CCDC171: variants seen among roughly 807,000 people sequenced by gnomAD.
CCDC171 encodes coiled-coil domain-containing protein 171.
CCDC171 carries 177 observed loss-of-function variants against 168.2 expected under a neutral mutation model. The observed-to-expected ratio is 1.05, with a 90% CI of 0.93 to 1.19. The LOEUF (loss-of-function observed/expected upper bound fraction) is 1.19, where lower values mean the gene tolerates loss of function less well. Among genes scored for constraint, CCDC171 ranks in the 50% most tolerant of loss-of-function variants. The pLI, the probability that CCDC171 is intolerant of heterozygous loss-of-function variation, is 0.00. For synonymous variants in CCDC171, 687 were observed against 540.8 expected, an observed-to-expected ratio of 1.27 and a Z score of -3.75; for missense variants, 1,991 against 1,539.0, an observed-to-expected ratio of 1.29 and a Z score of -4.91.
At chr9:15,904,116 A>G (rs1404959961) in intron 24 of CCDC171, among the ~76,000 whole-genome samples, 2 of 152,238 alleles carry the variant, frequency 1.3e-5, no homozygotes, top group Admixed American at 6.5e-5. Flanking sequence ...GATATTATAC[A>G]GGAGAACCTC....
intron 24 of CCDC171, chr9:15,889,151 G>A (rs185953763): frequency 6.6e-6 from 1 of 151,746 alleles, no homozygotes; most frequent in African/African-American, 2.4e-5. Context: ...TATGGAGACA[G>A]AGTTTTACTG....
At chr9:16,066,318 G>C (rs1833989810), downstream of CCDC171, among the ~76,000 whole-genome samples, 1 of 152,136 alleles carries the variant, frequency 6.6e-6, no homozygotes, top group Admixed American at 6.5e-5. Flanking sequence ...TCTTTCAAAA[G>C]AGCATTTAAA....
intron 7 of CCDC171, among the ~76,000 whole-genome samples, chr9:15,634,249 A>G (rs2046013613): frequency 6.6e-6 from 1 of 151,806 alleles, no homozygotes; most frequent in Non-Finnish European, 1.5e-5. Flanking sequence ...TAACTTTTAA[A>G]AAAATTAAAG....
chr9:16,063,283 G>A (rs543801638), downstream of CCDC171, among the ~76,000 whole-genome samples: 20 of 152,270 alleles, frequency 1.3e-4, no homozygotes, highest in Non-Finnish European at 2.2e-4. Context: ...TAAAATGCTC[G>A]AAAGAGAGGA....
At chr9:15,613,187 G>T (rs1184914186) in intron 6 of CCDC171, among the ~76,000 whole-genome samples, 2 of 152,160 alleles carry the variant, frequency 1.3e-5, no homozygotes, top group Non-Finnish European at 2.9e-5. Flanking sequence ...GAGAGTTCCA[G>T]TTTCTCTACG....
chr9:15,686,128 A>T (rs187337673), intron 10 of CCDC171, among the ~76,000 whole-genome samples: 1 of 152,282 alleles, frequency 6.6e-6, no homozygotes, highest in African/African-American at 2.4e-5. Context: ...AATTTAATTG[A>T]ACCTTGATAT....
chr9:16,036,657 A>T (rs1451464171), intron 8 of CCDC171, among the ~76,000 whole-genome samples: 1 of 152,182 alleles, frequency 6.6e-6, no homozygotes, highest in Non-Finnish European at 1.5e-5. Flanking sequence ...ACAAACAAAC[A>T]AGCAAAAAAC....
the CCDC171 span, among the ~76,000 whole-genome samples, chr9:16,097,627 C>T: frequency 6.6e-6 from 1 of 152,172 alleles, no homozygotes; most frequent in African/African-American, 2.4e-5. Context: ...GAATCTTTAC[C>T]TAGCATGATC....
intron 21 of CCDC171, among the ~76,000 whole-genome samples, chr9:15,812,120 T>A (rs1370694143): frequency 6.6e-6 from 1 of 152,094 alleles, no homozygotes; most frequent in Non-Finnish European, 1.5e-5. Flanking sequence ...AATTAGTCAG[T>A]TTGTGACCAA....
chr9:16,095,557 G>A, the CCDC171 span, among the ~76,000 whole-genome samples: 13,369 of 150,748 alleles, frequency 0.089, 1,244 homozygotes, highest in African/African-American at 0.24. Context: ...TCTCTCTCTC[G>A]CGCACACACA....
At chr9:15,989,496 C>T (rs146475538) in intron 3 of CCDC171, among the ~76,000 whole-genome samples, 11,646 of 151,962 alleles carry the variant, frequency 0.077, 1,464 homozygotes, top group African/African-American at 0.27. Context: ...GCAGAAAAGC[C>T]GAAAATTCTA....
At chr9:16,026,819 A>G (rs1030575286) in intron 6 of CCDC171, among the ~76,000 whole-genome samples, 2 of 151,966 alleles carry the variant, frequency 1.3e-5, no homozygotes, top group Non-Finnish European at 2.9e-5. Context: ...AAAAATGTTT[A>G]TCATCTATAT....
At chr9:15,595,244 C>T (rs2042258134) in intron 6 of CCDC171, among the ~76,000 whole-genome samples, 1 of 152,028 alleles carries the variant, frequency 6.6e-6, no homozygotes, top group South Asian at 2.1e-4. Flanking sequence ...GTGTGCTGCA[C>T]CCATTAACTT....
intron 3 of CCDC171, among the ~76,000 whole-genome samples, chr9:16,013,687 A>C (rs954368404): frequency 6.6e-6 from 1 of 152,246 alleles, no homozygotes; most frequent in African/African-American, 2.4e-5. Flanking sequence ...GGGCCACCAG[A>C]CTAAAGTGAA....
intron 25 of CCDC171, among the ~76,000 whole-genome samples, chr9:15,950,421 T>A (rs1828997896): frequency 6.6e-6 from 1 of 152,048 alleles, no homozygotes; most frequent in Non-Finnish European, 1.5e-5. Flanking sequence ...TAACAGCAGA[T>A]GTCTTGGCAG....
At chr9:15,989,460 A>T (rs917846100) in intron 3 of CCDC171, among the ~76,000 whole-genome samples, 1 of 152,088 alleles carries the variant, frequency 6.6e-6, no homozygotes, top group African/African-American at 2.4e-5. Context: ...AGGTAGGTAA[A>T]CCCTCAAAGA....
intron 8 of CCDC171, among the ~76,000 whole-genome samples, chr9:15,660,708 TATCCAATCCATC>T (rs2048248743): frequency 3.3e-5 from 5 of 152,368 alleles, no homozygotes; most frequent in Admixed American, 3.3e-4. Flanking sequence ...ACATTTTCTT[TATCCAATCCATC>T]ATTGATTGAT....
intron 21 of CCDC171, among the ~76,000 whole-genome samples, chr9:15,840,817 CACTTT>C (rs1280488995): frequency 6.6e-6 from 1 of 151,684 alleles, no homozygotes; most frequent in African/African-American, 2.4e-5. Context: ...ATTTCTTTTC[CACTTT>C]ACTTCACTGT....
chr9:15,755,583 A>G (rs1301998098), intron 18 of CCDC171, among the ~76,000 whole-genome samples: 1 of 152,204 alleles, frequency 6.6e-6, no homozygotes, highest in Non-Finnish European at 1.5e-5. Context: ...TGATTAATGG[A>G]TAGATATCTA....
Sources: allele counts gnomAD v4.1 joint callset (sites outside exome capture counted in the v4.1 genomes callset), GRCh38; gene constraint gnomAD v4.1.1; transcripts MANE v1.5; gene names NCBI Gene and HGNC (gene_info 2026-07-23, HGNC 2026-07-21).